The following OPRM1 variants were observed in gnomAD, a reference collection of about 807,000 sequenced individuals.
OPRM1 encodes the protein mu-type opioid receptor.
Under a neutral mutation model 31.8 loss-of-function variants are expected in OPRM1, and 27 were observed. The observed-to-expected ratio is 0.85, with a 90% CI of 0.63 to 1.17. OPRM1 has a LOEUF of 1.17. Ranked by LOEUF, OPRM1 falls within the 50% of genes most tolerant of loss-of-function variation. The probability of loss-of-function intolerance (pLI) is 0.00; values close to 1 mark genes in which losing one functional copy is unlikely to be tolerated. For synonymous variants in OPRM1, 196 were observed against 189.9 expected (o/e 1.03, Z -0.26); for missense variants, 536 against 511.1 (o/e 1.05, Z -0.47).
downstream of OPRM1, among the ~76,000 whole-genome samples, chr6:154,135,153 G>T (rs1798023786): frequency 6.6e-6 from 1 of 152,196 alleles, no homozygotes; most frequent in African/African-American, 2.4e-5. Flanking sequence ...CCCTTATTAA[G>T]TCTATGTACC....
At chr6:154,044,796 C>A (rs537504952) in intron 1 of OPRM1, among the ~76,000 whole-genome samples, 2 of 152,104 alleles carry the variant, frequency 1.3e-5, no homozygotes, top group Non-Finnish European at 2.9e-5. Flanking sequence ...GGATCTCTTA[C>A]ATATAAAAGT....
chr6:154,192,457 AATG>A (rs1207595542), intron 3 of OPRM1, among the ~76,000 whole-genome samples: 4 of 152,188 alleles, frequency 2.6e-5, no homozygotes, highest in African/African-American at 9.7e-5. Flanking sequence ...AAACAGAAGA[AATG>A]ATGAAGCATA....
At position 154,221,014 on chromosome 6, in the gene OPRM1, G is replaced by C. The variant is rs557042770; in HGVS notation, c.1165-25679G>C. Among the ~76,000 whole-genome samples, 11 of 152,246 alleles carry C rather than the reference G, an allele frequency of 7.2e-5. No individual in the cohort carries two copies. In the South Asian group the frequency reaches 2.3e-3, roughly 32 times the overall value. On this transcript the variant is annotated intron_variant, in intron 3 of 3. Transcript: ENST00000337049. ...TTAACATGTTCTTTTAATGACTTCT[G>C]TCCACTCCTTTTTCAACTTAGTGGT...
chr6:154,127,123 G>A lies in OPRM1; in HGVS notation c.*8402G>A, dbSNP rs980334105. Among the ~76,000 whole-genome samples, 2 of 148,670 alleles carry A rather than the reference G, an allele frequency of 1.3e-5. No individual in the cohort carries two copies. The highest frequency in any genetic ancestry group is 3.0e-5 in the Non-Finnish European group (2 of 67,264). ...GATTGTCTCAAAAAAAAAAAAAAGT[G>A]CCACATGCCATGCTATGTGCCCAAA... On this transcript the variant is annotated 3_prime_UTR_variant, in exon 4 of 4. Transcript: ENST00000330432.
intron 1 of OPRM1, among the ~76,000 whole-genome samples, chr6:154,047,639 G>C (rs1343521692): frequency 1.3e-5 from 2 of 152,214 alleles, no homozygotes; most frequent in Non-Finnish European, 2.9e-5. Flanking sequence ...TGAAGTGTGT[G>C]ATGGGTTTAA....
In OPRM1 at chr6:154,201,232, G is replaced by T. The variant is rs564942226; in HGVS notation, c.1165-45461G>T. Among the ~76,000 whole-genome samples, 9 of 152,196 alleles carry T rather than the reference G, an allele frequency of 5.9e-5. No individual in the cohort carries two copies. The South Asian group carries it at 1.9e-3, about 32-fold the overall frequency. On this transcript the variant is annotated intron_variant, in intron 3 of 3. Coordinates refer to the OPRM1 transcript ENST00000337049. ...TAGTTCTTTACAGAGGTGTGAAAAT[G>T]GATTAATATAACCAACAATTCTTGG...
At position 154,079,786 on chromosome 6, in the gene OPRM1, T is replaced by C. The variant is rs17181157; in HGVS notation, c.291-10040T>C. 8.3e-3 allele frequency among the ~76,000 whole-genome samples: 1,258 copies of C among 152,306 alleles called. 16 individuals are homozygous for C. Among genetic ancestry groups the C allele is most frequent in the African/African-American group, 0.029 (1,212 of 41,574 alleles). On this transcript the variant is annotated intron_variant, in intron 1 of 3. Coordinates refer to ENST00000330432, the MANE Select transcript of OPRM1 (RefSeq NM_000914.5). ...GTGCAGTGGCATGACCGTAGCTCAC[T>C]GCAGCCTTGAATTCCTAGGCTCTGT...
chr6:154,109,397 G>T (rs1054548505), intron 3 of OPRM1, among the ~76,000 whole-genome samples: 11 of 152,312 alleles, frequency 7.2e-5, no homozygotes, highest in Non-Finnish European at 1.6e-4. Flanking sequence ...AAAGATGTAT[G>T]TATTTAATGT....
rs375859258 is a variant in OPRM1, at chr6:154,164,320, C to CT, written c.1164+72849dup. Among the ~76,000 whole-genome samples the CT allele has an allele frequency of 3.6e-3, 552 of 152,254 alleles. 4 individuals carry two copies. Among genetic ancestry groups the CT allele is most frequent in the African/African-American group, 0.013 (530 of 41,538 alleles). On this transcript the variant is annotated intron_variant, in intron 3 of 3. Coordinates refer to the OPRM1 transcript ENST00000337049. ...GACACTTCTCATATGGCTTTTGGCT[C>CT]TAAGTAGTTCAAATTTTTTACCATT...
intron 3 of OPRM1, among the ~76,000 whole-genome samples, chr6:154,208,326 C>T (rs1304599596): frequency 6.6e-6 from 1 of 152,142 alleles, no homozygotes; most frequent in African/African-American, 2.4e-5. Context: ...ACTTTTCCCC[C>T]AAATATCCAC....
chr6:154,068,726 T>C (rs570850695), intron 1 of OPRM1, among the ~76,000 whole-genome samples: 26 of 152,332 alleles, frequency 1.7e-4, no homozygotes, highest in African/African-American at 5.8e-4. Context: ...ATATACCTAG[T>C]AGTGAGATTG....
chr6:154,091,927 A>C, intron 3 of OPRM1: 1 of 987,134 alleles, frequency 1.0e-6, no homozygotes, highest in Non-Finnish European at 1.2e-6. Flanking sequence ...GTGGTCATGG[A>C]TGCAAGATAT....
Position 154,091,014 on chromosome 6 carries a change from A to T in OPRM1, c.706A>T (p.Ile236Phe). The change falls in exon 3 of 4, where the codon ATC becomes TTC. Residue 236 changes from isoleucine (I) to phenylalanine (F), a missense_variant. Transcript: ENST00000330432. ...CTGGTACTGGGAAAACCTGCTGAAG[A>T]TCTGTGTTTTCATCTTCGCCTTCAT... ...PTWYWENLLK[I>F]CVFIFAFIMP... is the part of the protein sequence containing the mutation. 2 of 1,614,150 alleles carry T rather than the reference A, an allele frequency of 1.2e-6. No homozygotes were observed. Among genetic ancestry groups the T allele is most frequent in the Non-Finnish European group, 1.7e-6 (2 of 1,179,988 alleles).
chr6:154,135,942 C>T (rs1158244677), downstream of OPRM1, among the ~76,000 whole-genome samples: 2 of 152,162 alleles, frequency 1.3e-5, no homozygotes, highest in African/African-American at 2.4e-5. Flanking sequence ...AAAGAAGCAT[C>T]GTAGGGAATA....
rs191198678 is a variant in OPRM1 at position 154,107,629 on chromosome 6, A to G, written c.1165-11054A>G. The G allele has an allele frequency of 7.0e-6, 5 of 718,540 alleles. No homozygotes were observed. The East Asian group carries it at 1.3e-4, about 19-fold the overall frequency. 44.5% of individuals were successfully genotyped at this position (718,540 alleles called of 1,614,324 possible). On this transcript the variant is annotated intron_variant, in intron 3 of 3. Transcript: ENST00000330432. ...TATGATTTTTAGAGCTGACTATGAC[A>G]TGAACCCTAAAATTCCTGTTCCCTT... is the stretch of plus-strand genomic sequence containing the variant.
intron 3 of OPRM1, chr6:154,107,481 A>G (rs943716115): frequency 1.8e-5 from 13 of 718,478 alleles, no homozygotes; most frequent in Non-Finnish European, 3.4e-5. Flanking sequence ...TTGAACCTGG[A>G]CTGTCACTGT....
intron 3 of OPRM1, among the ~76,000 whole-genome samples, chr6:154,100,300 A>ATATTATT (rs1562473045): frequency 2.7e-5 from 4 of 146,508 alleles, no homozygotes; most frequent in Admixed American, 6.9e-5. Context: ...AATATATATC[A>ATATTATT]AAAAGTCACA....
In OPRM1 at chr6:154,044,123, G is replaced by T. The variant is rs191831454; in HGVS notation, c.290+4289G>T. Reference sequence around the variant, plus strand: ...AAGGATGGATGGATAGATAGATAGAGAGAGAGAGAGAGAGATAGACAGACT... The same window carrying T: ...AAGGATGGATGGATAGATAGATAGATAGAGAGAGAGAGAGATAGACAGACT... On this transcript the variant is annotated intron_variant, in intron 1 of 3. Transcript: ENST00000330432. Among the ~76,000 whole-genome samples, 51 of 151,824 alleles carry T rather than the reference G, an allele frequency of 3.4e-4. No homozygotes were observed. The East Asian group carries it at 5.9e-3, about 18-fold the overall frequency.
At position 154,122,549 on chromosome 6, in the gene OPRM1, T is replaced by G. The variant is rs927567008; in HGVS notation, c.*3828T>G. 8.5e-5 allele frequency among the ~76,000 whole-genome samples: 13 copies of G among 152,208 alleles called. No homozygotes were observed. The highest frequency in any genetic ancestry group is 2.9e-4 in the African/African-American group (12 of 41,452). ...TGAGTCCAACTCTGGGGCATCCATTTAAGAGCCATTTAATCCATTTAATTA... is the reference window on the plus strand; with the variant it reads ...TGAGTCCAACTCTGGGGCATCCATTGAAGAGCCATTTAATCCATTTAATTA... On this transcript the variant is annotated 3_prime_UTR_variant, in exon 4 of 4. Transcript: ENST00000330432.
Sources: gnomAD v4.1 joint callset for allele counts (sites outside exome capture counted in the v4.1 genomes callset) on GRCh38, gnomAD v4.1.1 for gene constraint, MANE v1.5 for transcripts, NCBI Gene and HGNC (gene_info 2026-07-23, HGNC 2026-07-21) for gene names.